NEGR1: variants seen among roughly 807,000 people sequenced by gnomAD.
The protein encoded by NEGR1 is neuronal growth regulator 1.
Under a neutral mutation model 40.9 loss-of-function variants are expected in NEGR1, and 10 were observed. The ratio of observed to expected loss-of-function variants is 0.24; its 90% confidence interval spans 0.15 to 0.42. The LOEUF (loss-of-function observed/expected upper bound fraction) is 0.42, where lower values mean the gene tolerates loss of function less well. Ranked by LOEUF, NEGR1 falls within the 10% of genes least tolerant of loss-of-function variation. NEGR1 has a pLI of 1.00. For synonymous variants in NEGR1, 185 were observed against 166.8 expected (o/e 1.11, Z -0.84); for missense variants, 352 against 438.9 (o/e 0.80, Z 1.77).
intron 4 of NEGR1, among the ~76,000 whole-genome samples, chr1:71,634,084 T>C (rs151100306): frequency 2.0e-5 from 3 of 152,244 alleles, no homozygotes; most frequent in East Asian, 3.9e-4. Flanking sequence ...TTTATACTTA[T>C]GTGGCTATCT....
intron 3 of NEGR1, among the ~76,000 whole-genome samples, chr1:71,748,454 T>C (rs936686840): frequency 1.3e-5 from 2 of 152,188 alleles, no homozygotes; most frequent in Non-Finnish European, 2.9e-5. Context: ...TAGACTGCTA[T>C]ATTTTCTTAG....
chr1:71,808,319 C>T (rs1657855310), intron 2 of NEGR1, among the ~76,000 whole-genome samples: 1 of 152,074 alleles, frequency 6.6e-6, no homozygotes, highest in South Asian at 2.1e-4. Context: ...TTTTTACATT[C>T]TGTTTGAAAT....
At chr1:72,231,829 T>C (rs1417027122) in intron 1 of NEGR1, among the ~76,000 whole-genome samples, 1 of 152,112 alleles carries the variant, frequency 6.6e-6, no homozygotes, top group Non-Finnish European at 1.5e-5. Flanking sequence ...AAGAAATGAA[T>C]AGGGTAGAGC....
At position 71,528,153 on chromosome 1, in the gene NEGR1, T is replaced by C. The variant is rs1647248915; in HGVS notation, c.940+64664A>G. On this transcript the variant is annotated intron_variant, in intron 6 of 6. Transcript: ENST00000357731. ...AATAAAGATATAGAAATTAAGTCAG[T>C]TTTTACCCCTAGTCTTCTACATTTT... Among the ~76,000 whole-genome samples, 3 of 151,316 alleles carry C rather than the reference T, an allele frequency of 2.0e-5. No homozygotes were observed. In the South Asian group the frequency reaches 6.2e-4, roughly 31 times the overall value.
chr1:72,117,547 A>G (rs1649629418), intron 1 of NEGR1, among the ~76,000 whole-genome samples: 1 of 151,706 alleles, frequency 6.6e-6, no homozygotes, highest in African/African-American at 2.4e-5. Flanking sequence ...GGGGAGGGGG[A>G]ATAAATCCAG....
intron 6 of NEGR1, among the ~76,000 whole-genome samples, chr1:71,502,655 T>C (rs533609250): frequency 6.6e-6 from 1 of 152,212 alleles, no homozygotes; most frequent in South Asian, 2.1e-4. Context: ...GTAGAGGCTA[T>C]AGACAAACCT....
intron 1 of NEGR1, among the ~76,000 whole-genome samples, chr1:72,153,705 G>T (rs1237294805): frequency 6.6e-6 from 1 of 151,798 alleles, no homozygotes; most frequent in African/African-American, 2.4e-5. Context: ...TTTAGAGTGA[G>T]AAGAAAATCA....
intron 3 of NEGR1, among the ~76,000 whole-genome samples, chr1:71,723,479 T>C (rs1420219558): frequency 6.6e-6 from 1 of 152,146 alleles, no homozygotes; most frequent in Non-Finnish European, 1.5e-5. Context: ...GAATGGTTAA[T>C]GATTTAATCA....
intron 3 of NEGR1, among the ~76,000 whole-genome samples, chr1:71,746,049 G>C (rs1453346031): frequency 6.6e-6 from 1 of 152,092 alleles, no homozygotes; most frequent in African/African-American, 2.4e-5. Context: ...CTACATGCCT[G>C]TCCATATTTC....
chr1:71,588,046 GAAAC>G (rs1383220788), intron 6 of NEGR1, among the ~76,000 whole-genome samples: 1 of 152,052 alleles, frequency 6.6e-6, no homozygotes, highest in Non-Finnish European at 1.5e-5. Flanking sequence ...GTGGAAGTGA[GAAAC>G]AAAGCGTGTA....
rs184980998 is a variant in NEGR1, at chr1:71,761,152, C to A, written c.535+15020G>T. On this transcript the variant is annotated intron_variant, in intron 3 of 6. Transcript: ENST00000357731. ...TGGGAAACAAAACTTAAGACCTAAA[C>A]CTCTTTTAAAATATCTGATGCAGGA... Among the ~76,000 whole-genome samples the A allele has an allele frequency of 4.4e-3, 670 of 152,206 alleles. 5 individuals are homozygous for A. The highest frequency in any genetic ancestry group is 0.015 in the African/African-American group (634 of 41,552).
At chr1:71,601,951 C>A (rs1337169503) in intron 5 of NEGR1, among the ~76,000 whole-genome samples, 2 of 151,956 alleles carry the variant, frequency 1.3e-5, no homozygotes, top group Admixed American at 6.6e-5. Flanking sequence ...CCTGCTGAAT[C>A]TAAAATAAAT....
At chr1:71,813,905 T>C (rs1285982182) in intron 2 of NEGR1, among the ~76,000 whole-genome samples, 2 of 152,120 alleles carry the variant, frequency 1.3e-5, no homozygotes, top group East Asian at 3.9e-4. Context: ...CCTCCCTTCC[T>C]ATTTGAATAC....
At chr1:71,689,187 A>G (rs1472875710) in intron 4 of NEGR1, among the ~76,000 whole-genome samples, 1 of 152,182 alleles carries the variant, frequency 6.6e-6, no homozygotes, top group Non-Finnish European at 1.5e-5. Flanking sequence ...ATCCTTATTA[A>G]TTTCTCAAAG....
At chr1:72,198,089 G>A (rs1653064461) in intron 1 of NEGR1, among the ~76,000 whole-genome samples, 1 of 151,970 alleles carries the variant, frequency 6.6e-6, no homozygotes, top group South Asian at 2.1e-4. Context: ...GGAGGCTGCT[G>A]GTATTTCCCC....
At chr1:71,590,722 T>G (rs1359685222) in intron 6 of NEGR1, among the ~76,000 whole-genome samples, 1 of 152,134 alleles carries the variant, frequency 6.6e-6, no homozygotes, top group African/African-American at 2.4e-5. Flanking sequence ...AAAATAAGAA[T>G]AGGGTCTGTT....
chr1:72,244,538 G>A (rs866406433), intron 1 of NEGR1, among the ~76,000 whole-genome samples: 15 of 151,294 alleles, frequency 9.9e-5, no homozygotes, highest in Admixed American at 5.9e-4. Flanking sequence ...CTTTTATTTC[G>A]TATTACCAAG....
At chr1:71,994,547 C>CAA (rs1220980287) in intron 1 of NEGR1, among the ~76,000 whole-genome samples, 2 of 59,560 alleles carry the variant, frequency 3.4e-5, no homozygotes, top group Admixed American at 2.1e-4. Flanking sequence ...ACAAAACAAA[C>CAA]AAAAAAAAAA....
At chr1:72,151,583 A>G (rs1306843885) in intron 1 of NEGR1, among the ~76,000 whole-genome samples, 2 of 151,792 alleles carry the variant, frequency 1.3e-5, no homozygotes, top group African/African-American at 2.4e-5. Context: ...GAATAAGGAC[A>G]CTTTACTCTC....
Sources: allele counts gnomAD v4.1 joint callset (sites outside exome capture counted in the v4.1 genomes callset), GRCh38; gene constraint gnomAD v4.1.1; transcripts MANE v1.5; gene names NCBI Gene and HGNC (gene_info 2026-07-23, HGNC 2026-07-21).